Variants in NCOA2 observed in about 807,000 individuals in gnomAD.
The protein encoded by NCOA2 is class E basic helix-loop-helix protein 75.
A neutral mutation model predicts 145.1 loss-of-function variants in NCOA2; 21 were observed. The ratio of observed to expected loss-of-function variants is 0.14; its 90% CI spans 0.10 to 0.21. The LOEUF (loss-of-function observed/expected upper bound fraction) is 0.21. Ranked by LOEUF, NCOA2 falls within the 10% of genes least tolerant of loss-of-function variation. The probability of loss-of-function intolerance (pLI) is 1.00; values close to 1 mark genes in which losing one functional copy is unlikely to be tolerated. For synonymous variants in NCOA2, 619 were observed against 637.5 expected (o/e 0.97, Z 0.44); for missense variants, 1,472 against 1,837.6 (o/e 0.80, Z 3.64).
chr8:70,278,210 G>C (rs1763610739), intron 2 of NCOA2, among the ~76,000 whole-genome samples: 1 of 152,172 alleles, frequency 6.6e-6, no homozygotes, highest in South Asian at 2.1e-4. Flanking sequence ...TGCTTTCAGG[G>C]CTCATCCATT....
chr8:70,255,274 C>T (rs1226944048), intron 2 of NCOA2, among the ~76,000 whole-genome samples: 1 of 151,990 alleles, frequency 6.6e-6, no homozygotes, highest in Non-Finnish European at 1.5e-5. Flanking sequence ...AGTGAAATTA[C>T]CCAAGAATTT....
intron 5 of NCOA2, 120 bp from the exon 6 acceptor site, chr8:70,170,499 T>C (rs1318493401): frequency 1.2e-6 from 1 of 836,634 alleles, no homozygotes; most frequent in South Asian, 2.2e-5. Context: ...AAAAGAGATC[T>C]TTCTCAGCCC....
chr8:70,197,200 C>T (rs955584866), intron 4 of NCOA2, among the ~76,000 whole-genome samples: 2 of 152,230 alleles, frequency 1.3e-5, no homozygotes, highest in Non-Finnish European at 2.9e-5. Flanking sequence ...CTTCAATATA[C>T]TCCCGGAGAT....
the NCOA2 span, among the ~76,000 whole-genome samples, chr8:70,455,281 G>T: frequency 5.2e-4 from 79 of 152,278 alleles, no homozygotes; most frequent in African/African-American, 1.8e-3. Context: ...AGTTAAGCAG[G>T]TTGCATGTAA....
At chr8:70,383,537 C>T (rs1431771022) in intron 1 of NCOA2, among the ~76,000 whole-genome samples, 1 of 152,116 alleles carries the variant, frequency 6.6e-6, no homozygotes, top group Non-Finnish European at 1.5e-5. Context: ...CAGAGTTTCG[C>T]TCTTGCTGCC....
intron 4 of NCOA2, among the ~76,000 whole-genome samples, chr8:70,193,768 AG>A (rs986972255): frequency 3.3e-5 from 5 of 152,328 alleles, no homozygotes; most frequent in African/African-American, 9.6e-5. Context: ...TAATGTAGAC[AG>A]GCTTAAATAA....
chr8:70,272,862 ATAATT>A (rs143509074), intron 2 of NCOA2, among the ~76,000 whole-genome samples: 8,328 of 152,220 alleles, frequency 0.055, 298 homozygotes, highest in East Asian at 0.16. Flanking sequence ...TTATAAAGTA[ATAATT>A]TAATATTTAC....
intron 1 of NCOA2, among the ~76,000 whole-genome samples, chr8:70,382,384 T>C (rs565186738): frequency 6.6e-6 from 1 of 152,124 alleles, no homozygotes; most frequent in Non-Finnish European, 1.5e-5. Flanking sequence ...AAGGGTTGTT[T>C]AGCATAGTGT....
rs2131463451 is a variant in NCOA2, at chr8:70,126,864, G to A, written c.3865C>T (p.Pro1289Ser). 6.2e-7 allele frequency: 1 copy of A among 1,613,976 alleles called. No individual in the cohort carries two copies. The highest frequency in any genetic ancestry group is 8.5e-7 in the Non-Finnish European group (1 of 1,179,880). The part of the protein sequence containing the change: ...PSGMPATMSN[P>S]RIPQANAQQF... The stretch of plus-strand genomic sequence containing the variant: ...TGTGCATTTGCCTGGGGAATCCGAG[G>A]GTTGCTCATAGTTGCTGGCATACCA... The change falls in exon 19 of 23, where the codon CCT becomes TCT. Residue 1289 changes from proline to serine, a missense_variant. Physicochemically the swap from Pro to Ser is moderately conservative, Grantham distance 74. This residue lies in a region of NCOA2 where 232 missense variants were observed against 290.6 expected (regional missense o/e 0.80). Transcript: ENST00000452400.
chr8:70,299,429 C>T (rs1228831860), intron 1 of NCOA2, among the ~76,000 whole-genome samples: 1 of 151,880 alleles, frequency 6.6e-6, no homozygotes, highest in African/African-American at 2.4e-5. Context: ...ATATAAGGAG[C>T]TAAATTATTT....
intron 1 of NCOA2, among the ~76,000 whole-genome samples, chr8:70,320,881 ATGAGT>A (rs1281394026): frequency 6.6e-6 from 1 of 152,212 alleles, no homozygotes; most frequent in Non-Finnish European, 1.5e-5. Flanking sequence ...AGTAAGTGTT[ATGAGT>A]TATCTCTATT....
intron 4 of NCOA2, among the ~76,000 whole-genome samples, chr8:70,208,235 T>A (rs1818663626): frequency 6.6e-6 from 1 of 151,380 alleles, no homozygotes; most frequent in Non-Finnish European, 1.5e-5. Context: ...GCCCTCTCAA[T>A]TCTATGAGAA....
intron 2 of NCOA2, among the ~76,000 whole-genome samples, chr8:70,238,896 T>TAAGCTCAACTGTGTCCCC (rs1821881216): frequency 6.6e-6 from 1 of 152,180 alleles, no homozygotes; most frequent in Admixed American, 6.5e-5. Context: ...CAGGCCCCCA[T>TAAGCTCAACTGTGTCCCC]AAGCTCAACT....
chr8:70,337,285 A>C (rs1192559351), intron 1 of NCOA2, among the ~76,000 whole-genome samples: 1 of 152,038 alleles, frequency 6.6e-6, no homozygotes, highest in Non-Finnish European at 1.5e-5. Context: ...CAAGAATGTA[A>C]GAAACTCCTG....
intron 14 of NCOA2, among the ~76,000 whole-genome samples, chr8:70,138,757 T>TA (rs931032297): frequency 2.6e-5 from 4 of 152,252 alleles, no homozygotes; most frequent in Admixed American, 1.3e-4. Flanking sequence ...ATTGCAAAAT[T>TA]AAAAAATTCT....
rs902626535 is a variant in NCOA2, at chr8:70,166,264, A to C, written c.730+302T>G. On this transcript the variant is annotated intron_variant, in intron 7 of 22. Coordinates refer to ENST00000452400, the MANE Select transcript of NCOA2 (RefSeq NM_006540.4). ...CATGTGGCTATTCAAACGTAAATTT[A>C]ATAAAAATTAAAACTCCCGCCCCCT... is the stretch of plus-strand genomic sequence containing the variant. 3.3e-5 allele frequency among the ~76,000 whole-genome samples: 5 copies of C among 152,212 alleles called. No individual in the cohort carries two copies. In the East Asian group the frequency reaches 9.6e-4, roughly 29 times the overall value.
chr8:70,381,850 C>T (rs1351934635), intron 1 of NCOA2, among the ~76,000 whole-genome samples: 1 of 152,080 alleles, frequency 6.6e-6, no homozygotes, highest in East Asian at 1.9e-4. Context: ...AAATAATATC[C>T]GTAATGGCAT....
intron 16 of NCOA2, among the ~76,000 whole-genome samples, chr8:70,130,817 G>A (rs929446099): frequency 2.5e-4 from 38 of 152,268 alleles, no homozygotes; most frequent in Non-Finnish European, 3.5e-4. Context: ...TAAGTAAGGA[G>A]GAAAACAGTA....
chr8:70,417,110 A>C, the NCOA2 span, among the ~76,000 whole-genome samples: 1 of 151,980 alleles, frequency 6.6e-6, no homozygotes, highest in African/African-American at 2.4e-5. Flanking sequence ...GCTAGTACTT[A>C]AAACTACCTT....
Sources: gnomAD v4.1 joint callset for allele counts (sites outside exome capture counted in the v4.1 genomes callset) on GRCh38, gnomAD v4.1.1 for gene constraint, gnomAD v4.1.1 regional missense constraint, MANE v1.5 for transcripts, NCBI Gene and HGNC (gene_info 2026-07-23, HGNC 2026-07-21) for gene names.